Variants in TJP1 observed in about 807,000 individuals in gnomAD.
TJP1 encodes the protein tight junction protein 1, also known as tight junction protein ZO-1.
Under a neutral mutation model 194.2 loss-of-function variants are expected in TJP1, and 43 were observed. The observed-to-expected ratio is 0.22, with a 90% CI of 0.17 to 0.29. TJP1 has a LOEUF of 0.29. Ranked by LOEUF, TJP1 falls within the 10% of genes least tolerant of loss-of-function variation. The pLI, the probability that TJP1 is intolerant of heterozygous loss-of-function variation, is 1.00. For synonymous variants in TJP1, 801 were observed against 779.0 expected, an observed-to-expected ratio of 1.03 and a Z score of -0.47; for missense variants, 1,971 against 2,185.7, an observed-to-expected ratio of 0.90 and a Z score of 1.96.
Position 29,852,749 on chromosome 15 carries a change from T to C in TJP1, c.307-52047A>G, listed in dbSNP as rs992439464. ...GGAGAAACCCCGTCTCTACTAAAAA[T>C]ACAAAATTAGCCAGGCATGTGGTGC... is the stretch of plus-strand genomic sequence containing the variant. On this transcript the variant is annotated intron_variant, in intron 2 of 28. Coordinates refer to the TJP1 transcript ENST00000356107. Among the ~76,000 whole-genome samples the C allele has an allele frequency of 7.2e-5, 11 of 151,936 alleles. No homozygotes were observed. In the South Asian group the frequency reaches 1.7e-3, roughly 23 times the overall value.
At chr15:29,723,082 G>A (rs1257888040) in intron 18 of TJP1, among the ~76,000 whole-genome samples, 1 of 152,154 alleles carries the variant, frequency 6.6e-6, no homozygotes, top group African/African-American at 2.4e-5. Context: ...TGTCTCAGAT[G>A]AGACTTTGAA....
chr15:29,819,288 A>G (rs1002035050), intron 1 of TJP1, among the ~76,000 whole-genome samples: 1 of 152,200 alleles, frequency 6.6e-6, no homozygotes, highest in Non-Finnish European at 1.5e-5. Context: ...ACTTTCTCCA[A>G]TAGTCTACAA....
At chr15:29,735,508 G>A (rs1442796980) in intron 11 of TJP1, among the ~76,000 whole-genome samples, 1 of 150,524 alleles carries the variant, frequency 6.6e-6, no homozygotes, top group African/African-American at 2.4e-5. Flanking sequence ...GAATGTTTGA[G>A]CCTAGGTGTT....
rs999970060 is a variant in TJP1 at position 29,962,882 on chromosome 15, T to G, written c.173+5785A>C. Among the ~76,000 whole-genome samples, 10 of 152,218 alleles carry G rather than the reference T, an allele frequency of 6.6e-5. No homozygotes were observed. The South Asian group carries it at 1.2e-3, about 19-fold the overall frequency. On this transcript the variant is annotated intron_variant, in intron 1 of 28. Transcript: ENST00000356107. ...GGCTGGGCACAGTGGCTCACGCCTG[T>G]TATCCCAGCACTTTGGGAGGCCAAG...
At chr15:29,770,821 T>C (rs1484936220) in intron 4 of TJP1, among the ~76,000 whole-genome samples, 1 of 152,010 alleles carries the variant, frequency 6.6e-6, no homozygotes, top group Non-Finnish European at 1.5e-5. Context: ...TAAGGTTTAT[T>C]ATTGAAGAAA....
chr15:29,837,073 T>C (rs2051059597), intron 2 of TJP1, among the ~76,000 whole-genome samples: 1 of 152,248 alleles, frequency 6.6e-6, no homozygotes, highest in South Asian at 2.1e-4. Context: ...ACACATGTGT[T>C]ACTGCTTTAA....
In TJP1 at chr15:29,714,308, G is replaced by A. The variant is rs534943753; in HGVS notation, c.4202+2303C>T. On this transcript the variant is annotated intron_variant, in intron 23 of 27. Coordinates refer to ENST00000614355, the MANE Select transcript of TJP1 (RefSeq NM_001330239.4). Reference sequence around the variant, plus strand: ...GACTGGAGTGCAGTGGCGCGATCTCGGCTCATTGCAAGCTCCGCCTCCCGG... The same window carrying A: ...GACTGGAGTGCAGTGGCGCGATCTCAGCTCATTGCAAGCTCCGCCTCCCGG... Among the ~76,000 whole-genome samples, 100 of 151,682 alleles carry A rather than the reference G, an allele frequency of 6.6e-4. No homozygotes were observed. In the South Asian group the frequency reaches 8.6e-3, roughly 13 times the overall value.
intron 2 of TJP1, among the ~76,000 whole-genome samples, chr15:29,783,747 G>A (rs2047523271): frequency 1.3e-5 from 2 of 152,212 alleles, no homozygotes. Flanking sequence ...TTATAAGCGG[G>A]AGCTAAATTA....
chr15:29,838,441 CAAG>C (rs1350520354), intron 2 of TJP1, among the ~76,000 whole-genome samples: 1 of 152,080 alleles, frequency 6.6e-6, no homozygotes. Context: ...GAAAATAAAA[CAAG>C]AAGTTGCAAA....
At chr15:29,968,660 G>T (rs749742657) in intron 1 of TJP1, 1 of 1,047,342 alleles carries the variant, frequency 9.5e-7, no homozygotes, top group Non-Finnish European at 1.2e-6. Context: ...CCGCGCGGCC[G>T]CCTCACCACA....
chr15:29,707,101 G>GT (rs1170798120), intron 25 of TJP1, among the ~76,000 whole-genome samples: 2 of 152,166 alleles, frequency 1.3e-5, no homozygotes, highest in Admixed American at 6.5e-5. Flanking sequence ...CGCTCTGGCT[G>GT]TAGGAGGCAA....
chr15:29,777,491 T>C (rs994118446), intron 2 of TJP1, among the ~76,000 whole-genome samples: 4 of 151,856 alleles, frequency 2.6e-5, no homozygotes, highest in African/African-American at 9.7e-5. Flanking sequence ...GAAAAATAAA[T>C]AAATAAATAA....
At chr15:29,780,420 G>A (rs1268426298) in intron 2 of TJP1, among the ~76,000 whole-genome samples, 1 of 151,996 alleles carries the variant, frequency 6.6e-6, no homozygotes, top group Non-Finnish European at 1.5e-5. Flanking sequence ...ATGTGATGCC[G>A]CCACAGGAGG....
chr15:29,707,984 G>A (rs992606378), intron 25 of TJP1, among the ~76,000 whole-genome samples: 1 of 152,056 alleles, frequency 6.6e-6, no homozygotes, highest in Admixed American at 6.5e-5. Flanking sequence ...GATCACTTGA[G>A]ATCAGAAGTT....
rs979806911 is a variant in TJP1, at chr15:29,904,707, A to T, written c.306+51525T>A. ...TAAAGATAATCGAAGTGGGCTGAAC[A>T]GTATTCCTCAAAATTCATGTCTATC... On this transcript the variant is annotated intron_variant, in intron 2 of 28. Coordinates refer to the TJP1 transcript ENST00000356107. Among the ~76,000 whole-genome samples, 4 of 152,242 alleles carry T rather than the reference A, an allele frequency of 2.6e-5. No individual in the cohort carries two copies. In the South Asian group the frequency reaches 6.2e-4, roughly 24 times the overall value.
chr15:29,727,829 G>T, intron 16 of TJP1, 108 bp downstream of exon 16: 1 of 796,728 alleles, frequency 1.3e-6, no homozygotes, highest in Non-Finnish European at 2.1e-6. Context: ...CTTATAGTAT[G>T]TCAGTAATAG....
intron 8 of TJP1, among the ~76,000 whole-genome samples, chr15:29,752,155 T>C (rs1035987355): frequency 2.0e-5 from 3 of 151,298 alleles, no homozygotes; most frequent in South Asian, 4.2e-4. Context: ...CAGGCTGGAG[T>C]GCAGTGGCAT....
At chr15:29,732,391 G>T (rs745511582) in intron 15 of TJP1, 42 bp downstream of exon 15, 2 of 1,538,414 alleles carry the variant, frequency 1.3e-6, no homozygotes, top group African/African-American at 1.4e-5. Flanking sequence ...CTTTAGAGGT[G>T]TAACTCCCAA....
chr15:29,838,190 T>G (rs991521784), intron 2 of TJP1, among the ~76,000 whole-genome samples: 3 of 152,214 alleles, frequency 2.0e-5, no homozygotes, highest in Non-Finnish European at 4.4e-5. Context: ...TTTGGGAGGC[T>G]GAGGCAGGTG....
Sources: gnomAD v4.1 joint callset for allele counts (sites outside exome capture counted in the v4.1 genomes callset) on GRCh38, gnomAD v4.1.1 for gene constraint, MANE v1.5 for transcripts, NCBI Gene and HGNC (gene_info 2026-07-23, HGNC 2026-07-21) for gene names.